Variants in FBN3 observed in about 807,000 individuals in gnomAD.
FBN3 encodes fibrillin 3, also known as fibrillin-3.
FBN3 carries 234 observed loss-of-function variants against 330.1 expected under a neutral mutation model. The observed-to-expected ratio is 0.71, with a 90% CI of 0.64 to 0.79. FBN3 has a LOEUF of 0.79. FBN3 is among the 30% of genes least tolerant of loss of function. The pLI, the probability that FBN3 is intolerant of heterozygous loss-of-function variation, is 0.00. For synonymous variants in FBN3, 1,458 were observed against 1,517.3 expected, an observed-to-expected ratio of 0.96 and a Z score of 0.91; for missense variants, 3,606 against 3,886.9, an observed-to-expected ratio of 0.93 and a Z score of 1.92.
chr19:8,096,329 C>T lies in FBN3; in HGVS notation c.5539+115G>A. The T allele has an allele frequency of 7.5e-6, 10 of 1,335,882 alleles. No homozygotes were observed. The highest frequency in any genetic ancestry group is 6.1e-6 in the Non-Finnish European group (6 of 984,044). 82.8% of individuals were successfully genotyped at this position (1,335,882 alleles called of 1,614,324 possible). ...TTACCCAAGATCTTAATCTCAGGAC[C>T]CAAACTTGGATCTCTTTGTGAACTA... is the stretch of plus-strand genomic sequence containing the variant. On this transcript the variant is annotated intron_variant, in intron 44 of 63. Transcript: ENST00000600128. This position sits in a 1 kb window ranked among gnomAD's most constrained non-coding sequence, Gnocchi z 4.6.
In FBN3 at chr19:8,126,563, C is replaced by A. The variant is rs752223668; in HGVS notation, c.2459G>T (p.Arg820Leu). Reference sequence around the variant, plus strand: ...GGCTCCCTGAAGGTTCACCTCACAGCGGCTCTCCTGGATCTTCAGCCAGCA... The same window carrying A: ...GGCTCCCTGAAGGTTCACCTCACAGAGGCTCTCCTGGATCTTCAGCCAGCA... The part of the protein sequence containing the change: ...GTCWLKIQES[R>L]CEVNLQGASL... Residue 820 changes from arginine (R) to leucine (L), a missense_variant, in exon 20 of 64, where the codon CGC (arginine) becomes CTC (leucine). Coordinates refer to ENST00000600128, the MANE Select transcript of FBN3 (RefSeq NM_032447.5). 2 of 1,611,836 alleles carry A rather than the reference C, an allele frequency of 1.2e-6. No homozygotes were observed. The highest frequency in any genetic ancestry group is 3.3e-5 in the Admixed American group (2 of 60,022).
At chr19:8,090,672 C>T (rs548506951) in intron 48 of FBN3, among the ~76,000 whole-genome samples, 52 of 151,768 alleles carry the variant, frequency 3.4e-4, no homozygotes, top group African/African-American at 1.1e-3. Context: ...TTAGTAGAGA[C>T]GGGGTTTCAC....
rs1159919628 is a variant in FBN3 at position 8,122,068 on chromosome 19, C to T, written c.3083-682G>A. Among the ~76,000 whole-genome samples, 5 of 152,094 alleles carry T rather than the reference C, an allele frequency of 3.3e-5. No homozygotes were observed. In the East Asian group the frequency reaches 9.6e-4, roughly 29 times the overall value. On this transcript the variant is annotated intron_variant, in intron 24 of 63. Coordinates refer to ENST00000600128, the MANE Select transcript of FBN3 (RefSeq NM_032447.5). ...CTGGCCTGTTTGTTTTTCACTCAGG[C>T]TGGAGTGCAGTGGTGTGATCACAGC...
Position 8,129,286 on chromosome 19 carries a change from G to A in FBN3, c.2124C>T (p.Val708=). ...CENLRGSYRC[V]CNLGYEAGAS... The stretch of plus-strand genomic sequence containing the variant: ...CACCTGCCTCATAACCCAGGTTGCA[G>A]ACACAGCGGTAGCTGCCCCGAAGGT... The change falls in exon 17 of 64, where the codon GTC becomes GTT. Residue 708 remains valine, a synonymous_variant. Transcript: ENST00000600128. The surrounding 1 kb of genome is among the most constrained non-coding windows in gnomAD (Gnocchi z 4.5). 1.2e-6 allele frequency: 2 copies of A among 1,614,176 alleles called. No individual in the cohort carries two copies. The highest frequency in any genetic ancestry group is 1.7e-6 in the Non-Finnish European group (2 of 1,180,036).
At chr19:8,107,792 T>C (rs2144802138) in intron 37 of FBN3, among the ~76,000 whole-genome samples, 1 of 139,350 alleles carries the variant, frequency 7.2e-6, no homozygotes, top group South Asian at 2.3e-4. Context: ...ACTGGATGGA[T>C]GGAAAAAATG....
intron 63 of FBN3, 147 bp downstream of exon 63, chr19:8,071,901 C>T: frequency 1.2e-6 from 1 of 800,674 alleles, no homozygotes; most frequent in Non-Finnish European, 1.9e-6. Flanking sequence ...AGGCCCTAAG[C>T]CGGCACCATG....
chr19:8,097,418 C>A lies in FBN3; in HGVS notation c.5162-4G>T. The A allele has an allele frequency of 6.3e-7, 1 of 1,582,848 alleles. No homozygotes were observed. The stretch of plus-strand genomic sequence containing the variant: ...ATCTCCCCACACTCATCAATGTCTG[C>A]AGAAGGCATCTGCCATCAGGGGCAG... On this transcript the variant is annotated splice_polypyrimidine_tract_variant and splice_region_variant and intron_variant, in intron 41 of 63. Transcript: ENST00000600128.
chr19:8,106,331 A>G, intron 37 of FBN3, 98 bp from the exon 38 acceptor site: 2 of 1,263,806 alleles, frequency 1.6e-6, no homozygotes, highest in Non-Finnish European at 2.3e-6. Flanking sequence ...GGCCCTCTCG[A>G]GGATCCCCAA....
rs6603139 is a variant in FBN3 at position 8,087,045 on chromosome 19, T to C, written c.6754+32A>G. On this transcript the variant is annotated intron_variant, in intron 54 of 63. Coordinates refer to ENST00000600128, the MANE Select transcript of FBN3 (RefSeq NM_032447.5). ...TGACCTCTCCCTTCCACAAGGAGTT[T>C]CCTGCACCCATGAAGCTCCAGTGCC... 15,882 of 1,596,474 alleles carry C rather than the reference T, an allele frequency of 9.9e-3. 931 individuals carry two copies. The African/African-American group carries it at 0.15, about 15-fold the overall frequency.
Position 8,147,433 on chromosome 19 carries a change from G to A in FBN3, c.48C>T (p.Leu16=), listed in dbSNP as rs763208441. 12 of 1,578,978 alleles carry A rather than the reference G, an allele frequency of 7.6e-6. No homozygotes were observed. In the Admixed American group the frequency reaches 1.7e-4, roughly 22 times the overall value. ...LYLARGPLAR[L]LLAWSALLCM... is the part of the protein sequence containing the mutation. ...ACAACAGGGCCGACCAGGCCAGCAG[G>A]AGCCGGGCCAGGGGGCCCCTTGCCA... Residue 16 remains leucine (L), a synonymous_variant, in exon 2 of 64, where the codon CTC becomes CTT. Coordinates refer to ENST00000600128, the MANE Select transcript of FBN3 (RefSeq NM_032447.5).
chr19:8,128,380 A>G (rs139402997), intron 18 of FBN3, among the ~76,000 whole-genome samples: 1,756 of 152,258 alleles, frequency 0.012, 33 homozygotes, highest in African/African-American at 0.04. Context: ...CCTGGCGAAC[A>G]TGGTGAAACC....
chr19:8,080,137 T>G (rs941153833), intron 59 of FBN3, among the ~76,000 whole-genome samples: 2 of 152,182 alleles, frequency 1.3e-5, no homozygotes, highest in African/African-American at 2.4e-5. Context: ...TCAATCAAAC[T>G]TTATTAACAA....
chr19:8,088,311 G>A (rs1212389142), intron 51 of FBN3, 132 bp from the exon 52 acceptor site: 1 of 1,126,490 alleles, frequency 8.9e-7, no homozygotes, highest in African/African-American at 1.6e-5. Context: ...CTGGCTATGG[G>A]GCAGGCAAGC....
intron 37 of FBN3, among the ~76,000 whole-genome samples, chr19:8,107,952 C>G (rs1337130675): frequency 6.6e-6 from 1 of 151,892 alleles, no homozygotes; most frequent in African/African-American, 2.4e-5. Flanking sequence ...ATGAAAAGAT[C>G]AATAAACCAA....
Position 8,096,807 on chromosome 19 carries a change from G to A in FBN3, c.5413+74C>T. The A allele has an allele frequency of 6.5e-7, 1 of 1,540,810 alleles. No homozygotes were observed. The highest frequency in any genetic ancestry group is 8.8e-7 in the Non-Finnish European group (1 of 1,131,474). Reference sequence around the variant, plus strand: ...ATAGAAAAGGAGAAAGACCTGGACAGAGCCATACCCCATCTAAGTCCCCAT... The same window carrying A: ...ATAGAAAAGGAGAAAGACCTGGACAAAGCCATACCCCATCTAAGTCCCCAT... On this transcript the variant is annotated intron_variant, in intron 43 of 63. Transcript: ENST00000600128. The surrounding 1 kb of genome is among the most constrained non-coding windows in gnomAD (Gnocchi z 4.6).
At chr19:8,076,020 T>C (rs1186833361) in intron 59 of FBN3, among the ~76,000 whole-genome samples, 1 of 152,070 alleles carries the variant, frequency 6.6e-6, no homozygotes, top group African/African-American at 2.4e-5. Context: ...GTCATGAGGG[T>C]AGGGCTTTTA....
Position 8,138,164 on chromosome 19 carries a change from A to G in FBN3, c.1178T>C (p.Leu393Pro), listed in dbSNP as rs2145016862. The stretch of plus-strand genomic sequence containing the variant: ...ACCAATATTAGAGTTGCCAGGGCCC[A>G]GGCTGGGGATCCCACGCGCATCAGA... ...HGSDARGIPS[L>P]GPGNSNIGTA... The change falls in exon 10 of 64, where the codon CTG (leucine) becomes CCG (proline). Residue 393 changes from leucine to proline, a missense_variant. Leu to Pro is a moderately conservative substitution (Grantham distance 98, BLOSUM62 -3). Transcript: ENST00000600128. 6.2e-7 allele frequency: 1 copy of G among 1,611,974 alleles called. No homozygotes were observed. Among genetic ancestry groups the G allele is most frequent in the East Asian group, 2.2e-5 (1 of 44,856 alleles).
chr19:8,135,936 G>GGGGGGGGGGGGGGGGCGCCCCCC, intron 13 of FBN3, 25 bp downstream of exon 13: 3 of 668,776 alleles, frequency 4.5e-6, no homozygotes, highest in Non-Finnish European at 4.8e-6. Flanking sequence ...GGAAGCCCCT[G>GGGGGGGGGGGGGGGGCGCCCCCC]CCCACCCGCC....
chr19:8,099,204 C>G (rs76341753), intron 41 of FBN3, among the ~76,000 whole-genome samples: 190 of 151,234 alleles, frequency 1.3e-3, no homozygotes, highest in African/African-American at 4.3e-3. Context: ...ATAAGAACGT[C>G]CAGAGAGGGA....
Sources: allele counts gnomAD v4.1 joint callset (sites outside exome capture counted in the v4.1 genomes callset), GRCh38; gene constraint gnomAD v4.1.1; non-coding constraint Gnocchi (gnomAD v3.1); transcripts MANE v1.5; gene names NCBI Gene and HGNC (gene_info 2026-07-23, HGNC 2026-07-21).